Variants in SEMA5A observed in about 807,000 individuals in gnomAD.
The protein encoded by SEMA5A is semaphorin-5A.
Under a neutral mutation model 135.5 loss-of-function variants are expected in SEMA5A, and 55 were observed. The ratio of observed to expected loss-of-function variants is 0.41; its 90% CI spans 0.33 to 0.51. The LOEUF (loss-of-function observed/expected upper bound fraction) is 0.51. SEMA5A is among the 20% of genes least tolerant of loss of function. The probability of loss-of-function intolerance (pLI) is 0.37; values close to 1 mark genes in which losing one functional copy is unlikely to be tolerated. For missense variants in SEMA5A, 1,290 were observed against 1,419.9 expected (o/e 0.91, Z 1.47); for synonymous variants, 580 against 546.5 (o/e 1.06, Z -0.85).
chr5:9,150,252 G>T lies in SEMA5A; in HGVS notation c.1481+4236C>A, dbSNP rs145612714. The stretch of plus-strand genomic sequence containing the variant: ...TCCCCTGTTACTCATGGTACTCATA[G>T]CTGGGCCTTCCCAGATCCCCAAATT... On this transcript the variant is annotated intron_variant, in intron 12 of 22. Coordinates refer to ENST00000382496, the MANE Select transcript of SEMA5A (RefSeq NM_003966.3). 3.5e-3 allele frequency among the ~76,000 whole-genome samples: 536 copies of T among 152,306 alleles called. 2 individuals carry two copies. The highest frequency in any genetic ancestry group is 0.012 in the African/African-American group (518 of 41,566).
In SEMA5A at chr5:9,122,653, C is replaced by T; in HGVS notation, c.1781+3G>A. ...CACAACTGGCGTGTTCTGAGCGGCA[C>T]ACCTGGAACAGTTGGCGATCTCCAT... On this transcript the variant is annotated splice_donor_region_variant and intron_variant, in intron 14 of 22. Coordinates refer to ENST00000382496, the MANE Select transcript of SEMA5A (RefSeq NM_003966.3). 6.3e-7 allele frequency: 1 copy of T among 1,590,030 alleles called. No homozygotes were observed. Among genetic ancestry groups the T allele is most frequent in the Non-Finnish European group, 8.6e-7 (1 of 1,165,084 alleles).
chr5:9,385,653 A>G (rs1431197200), intron 2 of SEMA5A, among the ~76,000 whole-genome samples: 2 of 152,146 alleles, frequency 1.3e-5, no homozygotes, highest in Non-Finnish European at 2.9e-5. Flanking sequence ...TGTCCCATGC[A>G]TGCCACAGCA....
At chr5:9,245,546 T>G (rs1048894263) in intron 5 of SEMA5A, among the ~76,000 whole-genome samples, 1 of 152,128 alleles carries the variant, frequency 6.6e-6, no homozygotes, top group Admixed American at 6.5e-5. Flanking sequence ...TTTATAAAAA[T>G]TAATAGTTAT....
At chr5:9,232,375 A>G (rs191057559) in intron 6 of SEMA5A, among the ~76,000 whole-genome samples, 28 of 152,294 alleles carry the variant, frequency 1.8e-4, no homozygotes, top group Non-Finnish European at 1.5e-5. Context: ...TGTCAGCATC[A>G]AAGTGCTGAA....
At chr5:9,407,783 C>T (rs1299993533) in intron 2 of SEMA5A, among the ~76,000 whole-genome samples, 1 of 152,146 alleles carries the variant, frequency 6.6e-6, no homozygotes, top group Non-Finnish European at 1.5e-5. Flanking sequence ...AGTGGCCTGC[C>T]AGATTCCTTT....
chr5:9,070,451 C>G (rs1293366168), intron 16 of SEMA5A, among the ~76,000 whole-genome samples: 3 of 152,186 alleles, frequency 2.0e-5, no homozygotes, highest in African/African-American at 4.8e-5. Context: ...TTAACAAATG[C>G]AGCATTACCT....
At chr5:9,302,467 T>A (rs1045484375) in intron 5 of SEMA5A, among the ~76,000 whole-genome samples, 2 of 152,240 alleles carry the variant, frequency 1.3e-5, no homozygotes, top group Admixed American at 6.5e-5. Flanking sequence ...CTCAATCTCA[T>A]ACTTGCTTTA....
intron 1 of SEMA5A, among the ~76,000 whole-genome samples, chr5:9,544,521 C>T (rs1189992729): frequency 1.3e-5 from 2 of 151,848 alleles, no homozygotes; most frequent in African/African-American, 2.4e-5. Context: ...CAACCCCCGG[C>T]CCCCAAAATG....
At chr5:9,387,933 T>C (rs942589636) in intron 2 of SEMA5A, among the ~76,000 whole-genome samples, 1 of 151,954 alleles carries the variant, frequency 6.6e-6, no homozygotes, top group African/African-American at 2.4e-5. Context: ...ATCTTTTTTA[T>C]ATTATTTTAA....
intron 11 of SEMA5A, among the ~76,000 whole-genome samples, chr5:9,157,303 G>C (rs992675259): frequency 2.6e-5 from 4 of 152,106 alleles, no homozygotes; most frequent in African/African-American, 7.2e-5. Context: ...TTACCCTAGG[G>C]TCTGTCTTCA....
chr5:9,046,375 C>A (rs1369625242), intron 21 of SEMA5A, among the ~76,000 whole-genome samples: 1 of 152,176 alleles, frequency 6.6e-6, no homozygotes, highest in Non-Finnish European at 1.5e-5. Flanking sequence ...GCATCGTAAC[C>A]ACCCCAGTCT....
chr5:9,464,234 C>G (rs1318785712), intron 1 of SEMA5A, among the ~76,000 whole-genome samples: 1 of 152,194 alleles, frequency 6.6e-6, no homozygotes, highest in Non-Finnish European at 1.5e-5. Context: ...AATAGTATAA[C>G]TTTCAAATGA....
chr5:9,495,208 T>C (rs1735238507), intron 1 of SEMA5A, among the ~76,000 whole-genome samples: 1 of 152,156 alleles, frequency 6.6e-6, no homozygotes, highest in Non-Finnish European at 1.5e-5. Context: ...GGCGTCCCTG[T>C]GAGTAATTAC....
At chr5:9,174,269 T>G (rs3822773) in intron 11 of SEMA5A, among the ~76,000 whole-genome samples, 15,176 of 152,208 alleles carry the variant, frequency 0.1, 1,254 homozygotes, top group African/African-American at 0.2. Flanking sequence ...AGGCGAGTTT[T>G]TTTCCACTAA....
chr5:9,162,560 G>GTATATATATATATATATA (rs760785096), intron 11 of SEMA5A, among the ~76,000 whole-genome samples: 1 of 28,018 alleles, frequency 3.6e-5, no homozygotes, highest in African/African-American at 1.7e-4. Flanking sequence ...ATGTGTGTGT[G>GTATATATATATATATATA]TGTGTATATA....
intron 5 of SEMA5A, among the ~76,000 whole-genome samples, chr5:9,276,616 A>G (rs1366600524): frequency 6.6e-6 from 1 of 152,164 alleles, no homozygotes; most frequent in East Asian, 1.9e-4. Context: ...ACACATATAT[A>G]TATACCAATG....
intron 2 of SEMA5A, among the ~76,000 whole-genome samples, chr5:9,422,993 T>C (rs1399774096): frequency 2.0e-5 from 3 of 152,190 alleles, no homozygotes; most frequent in African/African-American, 7.2e-5. Flanking sequence ...CAAGCCAGCG[T>C]TAAAGACCTT....
At chr5:9,357,336 T>A (rs1431842511) in intron 3 of SEMA5A, among the ~76,000 whole-genome samples, 1 of 152,198 alleles carries the variant, frequency 6.6e-6, no homozygotes, top group African/African-American at 2.4e-5. Context: ...AAAACTGCAG[T>A]GCATTCTATT....
intron 18 of SEMA5A, among the ~76,000 whole-genome samples, chr5:9,059,725 T>C (rs1377009092): frequency 6.6e-6 from 1 of 152,086 alleles, no homozygotes; most frequent in African/African-American, 2.4e-5. Context: ...AATTTTTGTC[T>C]TTTTAGTAGG....
Sources: gnomAD v4.1 joint callset for allele counts (sites outside exome capture counted in the v4.1 genomes callset) on GRCh38, gnomAD v4.1.1 for gene constraint, MANE v1.5 for transcripts, NCBI Gene and HGNC (gene_info 2026-07-23, HGNC 2026-07-21) for gene names.